ASCC3: variants seen among roughly 807,000 people sequenced by gnomAD.
ASCC3 encodes the protein activating signal cointegrator 1 complex subunit 3.
Under a neutral mutation model 256.3 loss-of-function variants are expected in ASCC3, and 158 were observed. That is an observed-to-expected ratio of 0.62 (90% CI 0.54 to 0.70). ASCC3 has a LOEUF of 0.70. Ranked by LOEUF, ASCC3 falls within the 30% of genes least tolerant of loss-of-function variation. The pLI, the probability that ASCC3 is intolerant of heterozygous loss-of-function variation, is 0.00. For synonymous variants in ASCC3, 948 were observed against 883.4 expected, an observed-to-expected ratio of 1.07 and a Z score of -1.30; for missense variants, 2,259 against 2,626.0, an observed-to-expected ratio of 0.86 and a Z score of 3.05.
chr6:100,540,417 G>A (rs1582414438), intron 36 of ASCC3, 30 bp from the exon 37 acceptor site: 2 of 1,530,822 alleles, frequency 1.3e-6, no homozygotes, highest in Non-Finnish European at 1.8e-6. Context: ...CCACATTGTT[G>A]GATCAAAGTA....
intron 10 of ASCC3, 96 bp from the exon 11 acceptor site, chr6:100,725,799 A>G: frequency 1.6e-6 from 2 of 1,232,618 alleles, no homozygotes; most frequent in South Asian, 1.3e-5. Flanking sequence ...CCACCTCTAC[A>G]TAAATCAAAT....
chr6:100,843,028 A>G (rs1191225438), intron 4 of ASCC3, among the ~76,000 whole-genome samples: 1 of 152,148 alleles, frequency 6.6e-6, no homozygotes, highest in African/African-American at 2.4e-5. Flanking sequence ...ACATTTATTA[A>G]ATTAATATAG....
intron 36 of ASCC3, among the ~76,000 whole-genome samples, 178 bp downstream of exon 36, chr6:100,589,456 A>G (rs1203990676): frequency 6.6e-6 from 1 of 152,078 alleles, no homozygotes; most frequent in African/African-American, 2.4e-5. Context: ...TTGGATCATA[A>G]ATTATGTGGT....
At chr6:100,662,098 C>T in intron 15 of ASCC3, 68 bp from the exon 16 acceptor site, 2 of 1,466,652 alleles carry the variant, frequency 1.4e-6, no homozygotes, top group East Asian at 2.3e-5. Context: ...GAACTGAATA[C>T]TGAAATTAGG....
chr6:100,598,300 T>C (rs1434316376), intron 34 of ASCC3, among the ~76,000 whole-genome samples: 1 of 152,134 alleles, frequency 6.6e-6, no homozygotes, highest in African/African-American at 2.4e-5. Flanking sequence ...GAAGACAATT[T>C]ACCCTTCTGA....
chr6:100,622,342 C>T (rs1457111852), intron 30 of ASCC3, among the ~76,000 whole-genome samples: 1 of 152,056 alleles, frequency 6.6e-6, no homozygotes, highest in Non-Finnish European at 1.5e-5. Flanking sequence ...AGAGAGTTCT[C>T]ACAAGATCTG....
chr6:100,609,042 G>A (rs1198174550), intron 30 of ASCC3, among the ~76,000 whole-genome samples: 2 of 151,016 alleles, frequency 1.3e-5, no homozygotes, highest in Non-Finnish European at 3.0e-5. Flanking sequence ...GATTACAGGC[G>A]TGAGCCACCG....
chr6:100,687,693 A>G (rs1050080253), intron 13 of ASCC3, among the ~76,000 whole-genome samples: 2 of 152,144 alleles, frequency 1.3e-5, no homozygotes, highest in African/African-American at 4.8e-5. Context: ...AAAAAAACAC[A>G]TATTTAGCAA....
intron 13 of ASCC3, among the ~76,000 whole-genome samples, chr6:100,709,072 T>C (rs1013632415): frequency 2.0e-5 from 3 of 151,552 alleles, no homozygotes; most frequent in South Asian, 2.1e-4. Context: ...TAGCACTAGA[T>C]TGATAACAGT....
intron 4 of ASCC3, among the ~76,000 whole-genome samples, chr6:100,838,102 A>G (rs1383200934): frequency 6.6e-6 from 1 of 152,158 alleles, no homozygotes; most frequent in Non-Finnish European, 1.5e-5. Context: ...TGTTCTATAC[A>G]TTAAAGTAAT....
intron 13 of ASCC3, among the ~76,000 whole-genome samples, chr6:100,704,350 A>T (rs966173993): frequency 6.6e-6 from 1 of 151,988 alleles, no homozygotes; most frequent in Non-Finnish European, 1.5e-5. Context: ...GAAGCACTCA[A>T]ATAATTCACA....
intron 3 of ASCC3, among the ~76,000 whole-genome samples, chr6:100,853,488 G>C (rs79180823): frequency 2.1e-5 from 3 of 144,554 alleles, no homozygotes; most frequent in Non-Finnish European, 4.6e-5. Flanking sequence ...GTTTTGAGAC[G>C]GAGTCTTGCT....
intron 13 of ASCC3, among the ~76,000 whole-genome samples, chr6:100,690,924 A>G (rs1353663023): frequency 2.6e-5 from 4 of 152,090 alleles, no homozygotes; most frequent in African/African-American, 9.7e-5. Context: ...ACAGAACACT[A>G]CTCTGAATGT....
intron 13 of ASCC3, among the ~76,000 whole-genome samples, chr6:100,683,176 A>G (rs535775830): frequency 3.3e-5 from 5 of 152,192 alleles, no homozygotes; most frequent in Non-Finnish European, 7.4e-5. Flanking sequence ...GGTATTTTAT[A>G]TAACTAATAA....
At chr6:100,877,501 T>C (rs1207056219) in intron 1 of ASCC3, among the ~76,000 whole-genome samples, 1 of 152,140 alleles carries the variant, frequency 6.6e-6, no homozygotes, top group Admixed American at 6.5e-5. Context: ...ACTCAGAAAA[T>C]AACCATCGTC....
Position 100,754,746 on chromosome 6 carries a change from G to A in ASCC3, c.1737+11819C>T, listed in dbSNP as rs185232845. 1.6e-4 allele frequency among the ~76,000 whole-genome samples: 25 copies of A among 152,152 alleles called. No individual in the cohort carries two copies. The East Asian group carries it at 4.8e-3, about 29-fold the overall frequency. ...TGTGTCACCACCCAAATCTTATCTT[G>A]AATTGTAGCTCTCATAATCCCCATG... On this transcript the variant is annotated intron_variant, in intron 10 of 41. Transcript: ENST00000369162.
intron 10 of ASCC3, among the ~76,000 whole-genome samples, chr6:100,744,795 G>T (rs1389025715): frequency 6.6e-6 from 1 of 152,196 alleles, no homozygotes; most frequent in Non-Finnish European, 1.5e-5. Flanking sequence ...ATATTCATAT[G>T]ATGCAGAGAG....
intron 29 of ASCC3, 63 bp downstream of exon 29, chr6:100,627,527 G>T (rs2087734385): frequency 6.3e-7 from 1 of 1,599,290 alleles, no homozygotes; most frequent in African/African-American, 1.3e-5. Context: ...ACACCAATTA[G>T]AAGATATTTG....
intron 7 of ASCC3, among the ~76,000 whole-genome samples, 185 bp downstream of exon 7, chr6:100,799,246 T>C (rs952399528): frequency 5.3e-5 from 8 of 152,068 alleles, no homozygotes; most frequent in Non-Finnish European, 8.8e-5. Flanking sequence ...AACATATATG[T>C]TCTGAATATC....
Sources: allele counts gnomAD v4.1 joint callset (sites outside exome capture counted in the v4.1 genomes callset), GRCh38; gene constraint gnomAD v4.1.1; transcripts MANE v1.5; gene names NCBI Gene and HGNC (gene_info 2026-07-23, HGNC 2026-07-21).